Variants in MARCHF1 observed in about 807,000 individuals in gnomAD.
The protein encoded by MARCHF1 is membrane associated ring-CH-type finger 1, also known as E3 ubiquitin-protein ligase MARCHF1.
In MARCHF1, 40 loss-of-function variants were observed where a neutral mutation model predicts 54.2. The ratio of observed to expected loss-of-function variants is 0.74; its 90% CI spans 0.57 to 0.96. The LOEUF (loss-of-function observed/expected upper bound fraction) is 0.96, where lower values mean the gene tolerates loss of function less well. Among genes scored for constraint, MARCHF1 ranks in the 40% least tolerant of loss-of-function variants. The pLI, the probability that MARCHF1 is intolerant of heterozygous loss-of-function variation, is 0.00. For missense variants in MARCHF1, 586 were observed against 656.5 expected (o/e 0.89, Z 1.17); for synonymous variants, 236 against 236.3 (o/e 1.00, Z 0.01).
chr4:163,960,540 C>T (rs1489196897), intron 3 of MARCHF1, among the ~76,000 whole-genome samples: 1 of 151,834 alleles, frequency 6.6e-6, no homozygotes, highest in Non-Finnish European at 1.5e-5. Flanking sequence ...TTATCCTTAG[C>T]AAACTAACGC....
At chr4:163,848,175 C>T (rs1416922652) in intron 4 of MARCHF1, among the ~76,000 whole-genome samples, 8 of 152,250 alleles carry the variant, frequency 5.3e-5, no homozygotes, top group African/African-American at 1.9e-4. Context: ...ATGAGTATTA[C>T]ATACTTCTCC....
intron 2 of MARCHF1, among the ~76,000 whole-genome samples, chr4:164,065,109 T>C (rs1754699507): frequency 6.6e-6 from 1 of 152,190 alleles, no homozygotes; most frequent in African/African-American, 2.4e-5. Context: ...ACCTGAGGTT[T>C]TCTTTTTTTG....
chr4:163,686,548 C>T (rs570424626), intron 5 of MARCHF1, among the ~76,000 whole-genome samples: 2 of 150,362 alleles, frequency 1.3e-5, no homozygotes, highest in South Asian at 2.2e-4. Flanking sequence ...TCTCCTTTAA[C>T]TACCTTAAAT....
chr4:163,940,737 A>G (rs113213583), intron 3 of MARCHF1, among the ~76,000 whole-genome samples: 135 of 152,296 alleles, frequency 8.9e-4, no homozygotes, highest in Admixed American at 1.8e-3. Context: ...TTGGAAAAAT[A>G]AATCAAGAAT....
At chr4:163,876,446 A>T (rs1263147484) in intron 3 of MARCHF1, among the ~76,000 whole-genome samples, 6 of 152,144 alleles carry the variant, frequency 3.9e-5, no homozygotes, top group African/African-American at 1.2e-4. Context: ...TCTTCCCTCC[A>T]ACTACTTCCA....
At chr4:163,836,996 T>A (rs1749207771) in intron 4 of MARCHF1, among the ~76,000 whole-genome samples, 2 of 152,106 alleles carry the variant, frequency 1.3e-5, no homozygotes, top group Admixed American at 6.6e-5. Context: ...TAGAAATGCA[T>A]TTTTTGTGAA....
At chr4:163,676,430 G>A (rs1743923225) in intron 5 of MARCHF1, among the ~76,000 whole-genome samples, 2 of 151,622 alleles carry the variant, frequency 1.3e-5, no homozygotes, top group South Asian at 4.2e-4. Flanking sequence ...CAGCATAACA[G>A]CAAGAAGATA....
chr4:163,730,318 C>T (rs1364629419), intron 4 of MARCHF1, among the ~76,000 whole-genome samples: 6 of 152,104 alleles, frequency 3.9e-5, no homozygotes, highest in Non-Finnish European at 8.8e-5. Context: ...CCATTTCTCC[C>T]TTCAGCTCTT....
At position 163,594,849 on chromosome 4, in the gene MARCHF1, T is replaced by C. The variant is rs183333281; in HGVS notation, c.1011-8920A>G. On this transcript the variant is annotated intron_variant, in intron 7 of 9. Transcript: ENST00000514618. ...AAGAAGTTGGAGCCCTTGTACGCTG[T>C]TAGGAATAAAAACGGTGCAGCTGCT... Among the ~76,000 whole-genome samples the C allele has an allele frequency of 2.6e-5, 4 of 152,074 alleles. No individual in the cohort carries two copies. The East Asian group carries it at 5.8e-4, about 22-fold the overall frequency.
rs541377913 is a variant in MARCHF1 at position 163,932,475 on chromosome 4, C to T, written c.-39+56026G>A. On this transcript the variant is annotated intron_variant, in intron 3 of 9. Transcript: ENST00000514618. ...ATTTCAACAATGCTCACAGCATGTT[C>T]ACCAGGAGCAAATTCCATCTCAACA... The T allele has an allele frequency of 1.1e-5, 4 of 364,080 alleles. No homozygotes were observed. The East Asian group carries it at 3.2e-4, about 29-fold the overall frequency. 22.6% of individuals were successfully genotyped at this position (364,080 alleles called of 1,614,324 possible).
chr4:163,566,887 A>G (rs977084868), intron 8 of MARCHF1, among the ~76,000 whole-genome samples: 3 of 152,332 alleles, frequency 2.0e-5, no homozygotes, highest in Admixed American at 2.0e-4. Context: ...TTAAATCAAT[A>G]TAAGAATGCA....
intron 4 of MARCHF1, among the ~76,000 whole-genome samples, chr4:163,847,524 T>G (rs1749518902): frequency 6.6e-6 from 1 of 151,380 alleles, no homozygotes; most frequent in Non-Finnish European, 1.5e-5. Context: ...TTTTTTTTCA[T>G]TTGATCTTTT....
intron 1 of MARCHF1, among the ~76,000 whole-genome samples, chr4:164,260,284 C>G (rs1277241011): frequency 2.6e-5 from 4 of 151,972 alleles, no homozygotes; most frequent in African/African-American, 7.3e-5. Context: ...CCTTATAAAC[C>G]TCCAGAATAA....
chr4:164,044,890 A>G (rs7688968), intron 2 of MARCHF1, among the ~76,000 whole-genome samples: 17,301 of 151,986 alleles, frequency 0.11, 1,137 homozygotes, highest in Middle Eastern at 0.23. Flanking sequence ...CCATGGTGTC[A>G]TCTGCTGGAA....
intron 8 of MARCHF1, among the ~76,000 whole-genome samples, chr4:163,558,110 T>C (rs148405452): frequency 1.1e-3 from 164 of 152,228 alleles, no homozygotes; most frequent in African/African-American, 3.8e-3. Flanking sequence ...CTGAGATGAC[T>C]GAGTGTCTGA....
In MARCHF1 at chr4:163,564,814, C is replaced by G. The variant is rs181413876; in HGVS notation, c.1192-19071G>C. Among the ~76,000 whole-genome samples, 119 of 152,184 alleles carry G rather than the reference C, an allele frequency of 7.8e-4. 2 individuals are homozygous for G. Among genetic ancestry groups the G allele is most frequent in the African/African-American group, 2.6e-3 (109 of 41,514 alleles). Reference sequence around the variant, plus strand: ...AAAGAGTCAGATGTTTGTTACTATCCTGTCATTGGGATTTTCCTTTAAATC... The same window carrying G: ...AAAGAGTCAGATGTTTGTTACTATCGTGTCATTGGGATTTTCCTTTAAATC... On this transcript the variant is annotated intron_variant, in intron 8 of 9. Coordinates refer to ENST00000514618, the MANE Select transcript of MARCHF1 (RefSeq NM_001394959.1).
intron 2 of MARCHF1, among the ~76,000 whole-genome samples, chr4:164,011,751 G>T (rs1263418658): frequency 6.6e-6 from 1 of 152,122 alleles, no homozygotes; most frequent in South Asian, 2.1e-4. Flanking sequence ...CCTTCAATAG[G>T]AATCAAAAAG....
intron 2 of MARCHF1, among the ~76,000 whole-genome samples, chr4:164,042,163 G>C (rs1754143300): frequency 6.6e-6 from 1 of 151,894 alleles, no homozygotes; most frequent in Admixed American, 6.6e-5. Context: ...GTTCATCCTG[G>C]GCCAGGATCC....
intron 1 of MARCHF1, among the ~76,000 whole-genome samples, chr4:164,165,362 G>GTCTCTCTC (rs55721102): frequency 0.011 from 1,598 of 148,734 alleles, 28 homozygotes; most frequent in African/African-American, 0.037. Context: ...TTTTCTCTCT[G>GTCTCTCTC]TCTCTCTCTC....
Sources: allele counts gnomAD v4.1 joint callset (sites outside exome capture counted in the v4.1 genomes callset), GRCh38; gene constraint gnomAD v4.1.1; transcripts MANE v1.5; gene names NCBI Gene and HGNC (gene_info 2026-07-23, HGNC 2026-07-21).